SCARB1: variants seen among roughly 807,000 people sequenced by gnomAD.
SCARB1 encodes the protein scavenger receptor class B member 1, also known as CD36 and LIMPII analogous 1.
A neutral mutation model predicts 57.2 loss-of-function variants in SCARB1; 30 were observed. That is an observed-to-expected ratio of 0.52 (90% CI 0.39 to 0.71). SCARB1 has a LOEUF of 0.71. Ranked by LOEUF, SCARB1 falls within the 30% of genes least tolerant of loss-of-function variation. The pLI, the probability that SCARB1 is intolerant of heterozygous loss-of-function variation, is 0.00. For synonymous variants in SCARB1, 249 were observed against 268.3 expected (o/e 0.93, Z 0.70); for missense variants, 543 against 671.2 (o/e 0.81, Z 2.11).
In SCARB1 at chr12:124,810,573, G is replaced by A. The variant is rs1950488030; in HGVS notation, c.727-284C>T. 6.6e-6 allele frequency among the ~76,000 whole-genome samples: 1 copy of A among 152,212 alleles called. No homozygotes were observed. Among genetic ancestry groups the A allele is most frequent in the South Asian group, 2.1e-4 (1 of 4,832 alleles). On this transcript the variant is annotated intron_variant, in intron 5 of 12. Coordinates refer to ENST00000261693, the MANE Select transcript of SCARB1 (RefSeq NM_005505.5). This position sits in a 1 kb window ranked among gnomAD's most constrained non-coding sequence, Gnocchi z 4.0. ...TCCAGCCTGAATCTGGAAAAGAAGT[G>A]TGGTGAGCAGGTGAGGTGAGAGGTG...
At chr12:124,841,106 T>G (rs1951888892) in intron 1 of SCARB1, among the ~76,000 whole-genome samples, 1 of 152,202 alleles carries the variant, frequency 6.6e-6, no homozygotes, top group South Asian at 2.1e-4. Context: ...GCGCGGTGGC[T>G]CACGCCTGTA....
chr12:124,863,741 C>T lies in SCARB1; in HGVS notation c.-21G>A. ...CCCATGTCTGCGCGCCTGGGGCCCACCCGCGGCTCGCAGGGCTCCGCGCCT... is the reference window on the plus strand; with the variant it reads ...CCCATGTCTGCGCGCCTGGGGCCCATCCGCGGCTCGCAGGGCTCCGCGCCT... On this transcript the variant is annotated 5_prime_UTR_variant, in exon 1 of 13. In the 5' UTR this introduces an upstream ATG that the reference lacks. Coordinates refer to ENST00000261693, the MANE Select transcript of SCARB1 (RefSeq NM_005505.5). 2 of 1,442,786 alleles carry T rather than the reference C, an allele frequency of 1.4e-6. No homozygotes were observed. Among genetic ancestry groups the T allele is most frequent in the Non-Finnish European group, 1.8e-6 (2 of 1,096,912 alleles). The allele number at this position is 1,442,786 out of a possible 1,614,324, so 89.4% of individuals were successfully genotyped here.
At chr12:124,845,466 G>A (rs553470863) in intron 1 of SCARB1, among the ~76,000 whole-genome samples, 5 of 149,848 alleles carry the variant, frequency 3.3e-5, no homozygotes, top group African/African-American at 4.9e-5. Flanking sequence ...ACCGAGGCAG[G>A]TGTTTGACCT....
chr12:124,804,304 G>A (rs569252802), intron 7 of SCARB1, among the ~76,000 whole-genome samples: 4 of 152,238 alleles, frequency 2.6e-5, no homozygotes, highest in Non-Finnish European at 5.9e-5. Flanking sequence ...GGTGAGCCTG[G>A]AGCCTCCACA....
intron 1 of SCARB1, among the ~76,000 whole-genome samples, chr12:124,830,659 G>C (rs1951346100): frequency 6.6e-6 from 1 of 152,156 alleles, no homozygotes; most frequent in South Asian, 2.1e-4. Flanking sequence ...GATACTGACA[G>C]GGAGGGGTGC....
chr12:124,838,789 T>TTC (rs1951795314), intron 1 of SCARB1, among the ~76,000 whole-genome samples: 1 of 149,726 alleles, frequency 6.7e-6, no homozygotes, highest in Admixed American at 6.7e-5. Flanking sequence ...TTTTTTTTTT[T>TTC]TTTTGAGATG....
At position 124,786,460 on chromosome 12, in the gene SCARB1, T is replaced by G. The variant is rs1949522644; in HGVS notation, c.1298A>C (p.Gln433Pro). 1 of 1,614,012 alleles carries G rather than the reference T, an allele frequency of 6.2e-7. No individual in the cohort carries two copies. The highest frequency in any genetic ancestry group is 8.5e-7 in the Non-Finnish European group (1 of 1,180,030). Residue 433 changes from glutamine (Q) to proline (P), a missense_variant, in exon 11 of 13, where the codon CAG becomes CCG. Gln to Pro is a moderately conservative substitution (Grantham distance 76, BLOSUM62 -1). Coordinates refer to ENST00000261693, the MANE Select transcript of SCARB1 (RefSeq NM_005505.5). ...EGETLHTFYTQLVLMPKVMHY... is the reference protein window; with the variant it reads ...EGETLHTFYTPLVLMPKVMHY... ...CATCACCTTGGGCATCAACACCAGC[T>G]GAGTGTAGAATGTGTGAAGAGTCTC...
At chr12:124,791,107 A>G (rs1459515357) in intron 9 of SCARB1, among the ~76,000 whole-genome samples, 1 of 152,210 alleles carries the variant, frequency 6.6e-6, no homozygotes, top group Non-Finnish European at 1.5e-5. Context: ...TCCCTGCCAG[A>G]TGACATGTCA....
intron 1 of SCARB1, among the ~76,000 whole-genome samples, chr12:124,823,526 G>A (rs904506190): frequency 4.6e-5 from 7 of 152,204 alleles, no homozygotes; most frequent in Middle Eastern, 3.4e-3. Flanking sequence ...ATGCATTGCC[G>A]GCAGAAGTGT....
At chr12:124,853,787 C>A (rs1952523059) in intron 1 of SCARB1, among the ~76,000 whole-genome samples, 2 of 152,146 alleles carry the variant, frequency 1.3e-5, no homozygotes, top group Non-Finnish European at 2.9e-5. Context: ...CCCATGATGA[C>A]ACTCCAGCAT....
intron 11 of SCARB1, chr12:124,784,941 A>ATT (rs57429219): frequency 0.64 from 96,995 of 151,726 alleles, 31,510 homozygotes; most frequent in South Asian, 0.76. Context: ...TGTTCTGGTC[A>ATT]TCTGCATCCC....
Position 124,814,843 on chromosome 12 carries a change from C to A in SCARB1, c.426+130G>T. On this transcript the variant is annotated intron_variant, in intron 3 of 12. Transcript: ENST00000261693. The surrounding 1 kb of genome is among the most constrained non-coding windows in gnomAD (Gnocchi z 4.7). The stretch of plus-strand genomic sequence containing the variant: ...GGTGGAGACAGCACAGGGCCGAAAG[C>A]CACCCACCAGGCGTGAGTCCCCACG... 8.3e-7 allele frequency: 1 copy of A among 1,212,080 alleles called. No individual in the cohort carries two copies. The highest frequency in any genetic ancestry group is 2.0e-5 in the Admixed American group (1 of 51,260). 75.1% of individuals were successfully genotyped at this position (1,212,080 alleles called of 1,614,324 possible).
chr12:124,788,191 C>T (rs575523306), intron 9 of SCARB1, among the ~76,000 whole-genome samples: 1 of 152,226 alleles, frequency 6.6e-6, no homozygotes, highest in African/African-American at 2.4e-5. Context: ...AAGGAATCTC[C>T]CCTGGCAAAG....
At chr12:124,813,814 T>A (rs1363654926) in intron 4 of SCARB1, among the ~76,000 whole-genome samples, 1 of 152,072 alleles carries the variant, frequency 6.6e-6, no homozygotes, top group Admixed American at 6.6e-5. Context: ...AGACCCTCCA[T>A]GGACGAGATG....
chr12:124,845,345 C>T (rs1287955704), intron 1 of SCARB1, among the ~76,000 whole-genome samples: 3 of 152,110 alleles, frequency 2.0e-5, no homozygotes, highest in African/African-American at 2.4e-5. Flanking sequence ...CAAAACATGA[C>T]GCTAAGCGGA....
intron 1 of SCARB1, among the ~76,000 whole-genome samples, chr12:124,834,891 G>T (rs1951568644): frequency 6.6e-6 from 1 of 152,144 alleles, no homozygotes; most frequent in African/African-American, 2.4e-5. Context: ...CTGCACAACA[G>T]AGCAAGACCC....
At chr12:124,856,914 C>T (rs974082258) in intron 1 of SCARB1, among the ~76,000 whole-genome samples, 2 of 152,190 alleles carry the variant, frequency 1.3e-5, no homozygotes, top group Non-Finnish European at 2.9e-5. Flanking sequence ...CTCAGACTAC[C>T]CCCGGAAGGG....
intron 6 of SCARB1, among the ~76,000 whole-genome samples, 167 bp from the exon 7 acceptor site, chr12:124,808,094 G>GGCCTCTCCGCTCCGACTCT (rs1594256435): frequency 6.6e-6 from 1 of 152,238 alleles, no homozygotes; most frequent in East Asian, 1.9e-4. Context: ...CCTCCTAACA[G>GGCCTCTCCGCTCCGACTCT]GCCTCTCCGC....
intron 9 of SCARB1, among the ~76,000 whole-genome samples, chr12:124,794,862 G>A (rs1159417035): frequency 6.6e-5 from 10 of 152,078 alleles, no homozygotes; most frequent in African/African-American, 9.7e-5. Flanking sequence ...CCTGGGAGGC[G>A]GAGGTTGTGG....
Sources: gnomAD v4.1 joint callset for allele counts (sites outside exome capture counted in the v4.1 genomes callset) on GRCh38, gnomAD v4.1.1 for gene constraint, Gnocchi (gnomAD v3.1) non-coding constraint, MANE v1.5 for transcripts, NCBI Gene and HGNC (gene_info 2026-07-23, HGNC 2026-07-21) for gene names.